CYP1B1: variants seen among roughly 807,000 people sequenced by gnomAD.
CYP1B1 encodes the protein cytochrome P450 1B1.
In CYP1B1, 22 loss-of-function variants were observed where a neutral mutation model predicts 29.9. The observed-to-expected ratio is 0.74, with a 90% CI of 0.53 to 1.05. CYP1B1 has a LOEUF of 1.05. CYP1B1 is among the 50% of genes least tolerant of loss of function. CYP1B1 has a pLI of 0.00. For synonymous variants in CYP1B1, 375 were observed against 320.0 expected (o/e 1.17, Z -1.83); for missense variants, 883 against 746.9 (o/e 1.18, Z -2.12).
Position 38,070,139 on chromosome 2 carries a change from T to C in CYP1B1, c.*583A>G, listed in dbSNP as rs1324086912. 1.3e-5 allele frequency: 3 copies of C among 222,510 alleles called. No individual in the cohort carries two copies. Among genetic ancestry groups the C allele is most frequent in the African/African-American group, 6.7e-5 (3 of 44,604 alleles). The allele number at this position is 222,510 out of a possible 1,614,324, so 13.8% of individuals were successfully genotyped here. On this transcript the variant is annotated 3_prime_UTR_variant, in exon 3 of 3. Coordinates refer to ENST00000610745, the MANE Select transcript of CYP1B1 (RefSeq NM_000104.4). ...GTATACCAGAAGGCAAAAGGATAAA[T>C]CCACCCATAAATACTAGAGTCTAAG...
Position 38,068,047 on chromosome 2 carries a change from G to C in CYP1B1, c.*2675C>G. On this transcript the variant is annotated 3_prime_UTR_variant, in exon 3 of 3. Coordinates refer to ENST00000610745, the MANE Select transcript of CYP1B1 (RefSeq NM_000104.4). ...CAAAACAAACCTGAGACATCTTTTT[G>C]TTTTGGAAAAAAGCAATTTGCTTAT... 1 of 201,528 alleles carries C rather than the reference G, an allele frequency of 5.0e-6. No individual in the cohort carries two copies. The highest frequency in any genetic ancestry group is 1.0e-5 in the Non-Finnish European group (1 of 97,592). The allele number at this position is 201,528 out of a possible 1,614,324, so 12.5% of individuals were successfully genotyped here.
chr2:38,071,272 T>A lies in CYP1B1; in HGVS notation c.1082A>T (p.Asp361Val). 6.2e-7 allele frequency: 1 copy of A among 1,613,072 alleles called. No individual in the cohort carries two copies. The change falls in exon 3 of 3, where the codon GAT becomes GTT. Residue 361 changes from aspartate to valine, a missense_variant. Physicochemically the swap from Asp to Val is radical, Grantham distance 152 (BLOSUM62 -3). Transcript: ENST00000610745. ...DVQTRVQAEL[D>V]QVVGRDRLPC... ...CAGACGGTCCCTCCCCACGACCTGATCCAATTCTGCCTGCACTCGAGTCTG... is the reference window on the plus strand; with the variant it reads ...CAGACGGTCCCTCCCCACGACCTGAACCAATTCTGCCTGCACTCGAGTCTG...
Position 38,070,395 on chromosome 2 carries a change from A to C in CYP1B1, c.*327T>G, listed in dbSNP as rs1682402594. The C allele has an allele frequency of 1.1e-5, 4 of 360,484 alleles. No individual in the cohort carries two copies. Among genetic ancestry groups the C allele is most frequent in the Non-Finnish European group, 2.0e-5 (4 of 196,812 alleles). 22.3% of individuals were successfully genotyped at this position (360,484 alleles called of 1,614,324 possible). A position where few individuals can be genotyped will look rare whatever the true frequency, so the allele number is the denominator to read the frequency against. On this transcript the variant is annotated 3_prime_UTR_variant, in exon 3 of 3. Transcript: ENST00000610745. Reference sequence around the variant, plus strand: ...CTGCTTCATTCAGTAGTTTGGTGTAAGTGTTTGGGTGTATGTGTCTATATG... The same window carrying C: ...CTGCTTCATTCAGTAGTTTGGTGTACGTGTTTGGGTGTATGTGTCTATATG...
At chr2:38,075,515 G>A (rs1449107048) in intron 1 of CYP1B1, 126 bp from the exon 2 acceptor site, 34 of 956,686 alleles carry the variant, frequency 3.6e-5, no homozygotes, top group Non-Finnish European at 2.7e-5. Flanking sequence ...TGACTCTCTG[G>A]AGAAATGGCC....
chr2:38,070,829 G>T lies in CYP1B1; in HGVS notation c.1525C>A (p.Leu509Ile), dbSNP rs1268135305. The T allele has an allele frequency of 6.2e-7, 1 of 1,614,068 alleles. No homozygotes were observed. Among genetic ancestry groups the T allele is most frequent in the African/African-American group, 1.3e-5 (1 of 74,924 alleles). ...TTAAATGACTTGGGTTTAATGGTTA[G>T]ACCATAACTGAAATTCATTTTCGCA... ...EPAKMNFSYG[L>I]TIKPKSFKVN... The change falls in exon 3 of 3, where the codon CTA becomes ATA. Residue 509 changes from leucine (L) to isoleucine (I), a missense_variant. Transcript: ENST00000610745.
rs780250973 is a variant in CYP1B1 at position 38,070,946 on chromosome 2, A to T, written c.1408T>A (p.Cys470Ser). 3 of 1,614,192 alleles carry T rather than the reference A, an allele frequency of 1.9e-6. No homozygotes were observed. Among genetic ancestry groups the T allele is most frequent in the Non-Finnish European group, 2.5e-6 (3 of 1,180,038 alleles). Residue 470 changes from cysteine to serine, a missense_variant, in exon 3 of 3, where the codon TGC (cysteine) becomes AGC (serine). Physicochemically the swap from Cys to Ser is moderately radical, Grantham distance 112 (BLOSUM62 -1). Coordinates refer to ENST00000610745, the MANE Select transcript of CYP1B1 (RefSeq NM_000104.4). ...VMIFSVGKRR[C>S]IGEELSKMQL... Reference sequence around the variant, plus strand: ...ATCTTAGAAAGTTCTTCGCCAATGCACCGCCTTTTGCCCACTGAAAAAATC... The same window carrying T: ...ATCTTAGAAAGTTCTTCGCCAATGCTCCGCCTTTTGCCCACTGAAAAAATC...
chr2:38,068,571 A>G lies in CYP1B1; in HGVS notation c.*2151T>C, dbSNP rs886055989. 1 of 227,606 alleles carries G rather than the reference A, an allele frequency of 4.4e-6. No individual in the cohort carries two copies. Among genetic ancestry groups the G allele is most frequent in the East Asian group, 6.3e-5 (1 of 15,896 alleles). 14.1% of individuals were successfully genotyped at this position (227,606 alleles called of 1,614,324 possible). A position where few individuals can be genotyped will look rare whatever the true frequency, so the allele number is the denominator to read the frequency against. On this transcript the variant is annotated 3_prime_UTR_variant, in exon 3 of 3. Coordinates refer to ENST00000610745, the MANE Select transcript of CYP1B1 (RefSeq NM_000104.4). ...TGGGGCATAATATTTTGGAATGGCA[A>G]GTGCCAAAAAATTTAAATGTACTGG...
At chr2:38,071,819 T>C (rs1682438656) in intron 2 of CYP1B1, among the ~76,000 whole-genome samples, 1 of 152,224 alleles carries the variant, frequency 6.6e-6, no homozygotes, top group African/African-American at 2.4e-5. Context: ...AATTTTTTTA[T>C]AGTATAAGGA....
At chr2:38,071,855 G>A (rs1027042298) in intron 2 of CYP1B1, among the ~76,000 whole-genome samples, 3 of 152,176 alleles carry the variant, frequency 2.0e-5, no homozygotes, top group African/African-American at 7.2e-5. Context: ...AGCACCCAGG[G>A]CCCACGAAAG....
intron 2 of CYP1B1, chr2:38,073,873 C>A (rs1229768723): frequency 6.2e-6 from 1 of 161,138 alleles, no homozygotes; most frequent in Non-Finnish European, 1.4e-5. Flanking sequence ...ACGGGCGGCC[C>A]GCTTTTAGCG....
Position 38,075,173 on chromosome 2 carries a change from G to A in CYP1B1, c.216C>T (p.Leu72=). 1.3e-6 allele frequency: 2 copies of A among 1,569,752 alleles called. No individual in the cohort carries two copies. The highest frequency in any genetic ancestry group is 1.7e-6 in the Non-Finnish European group (2 of 1,165,102). ...NAAAVGQAAH[L]SFARLARRYG... ...AGCGCCGCGCCAGGCGAGCGAACGA[G>A]AGGTGAGCCGCCTGGCCCACCGCCG... is the stretch of plus-strand genomic sequence containing the variant. The change falls in exon 2 of 3, where the codon CTC becomes CTT. Residue 72 remains leucine, a synonymous_variant. Transcript: ENST00000610745.
Position 38,074,592 on chromosome 2 carries a change from C to G in CYP1B1, c.797G>C (p.Arg266Pro). The change falls in exon 2 of 3, where the codon CGC becomes CCC. Residue 266 changes from arginine (R) to proline (P), a missense_variant. Arg to Pro is a moderately radical substitution (Grantham distance 103, BLOSUM62 -2). Transcript: ENST00000610745. ...TVFREFEQLN[R>P]NFSNFILDKF... The stretch of plus-strand genomic sequence containing the variant: ...GTCCAGGATGAAGTTGCTGAAGTTG[C>G]GGTTGAGCTGCTCGAATTCGCGGAA... 1 of 1,612,646 alleles carries G rather than the reference C, an allele frequency of 6.2e-7. No individual in the cohort carries two copies. Among genetic ancestry groups the G allele is most frequent in the Non-Finnish European group, 8.5e-7 (1 of 1,179,570 alleles).
rs374781447 is a variant in CYP1B1, at chr2:38,070,706, G to A, written c.*16C>T. 6.2e-7 allele frequency: 1 copy of A among 1,607,428 alleles called. No homozygotes were observed. The highest frequency in any genetic ancestry group is 8.5e-7 in the Non-Finnish European group (1 of 1,173,864). On this transcript the variant is annotated 3_prime_UTR_variant, in exon 3 of 3. Transcript: ENST00000610745. Reference sequence around the variant, plus strand: ...AGATGTGAATATTTCTAAAATTTCAGCTTGCCTCTTGCTTCTTATTGGCAA... The same window carrying A: ...AGATGTGAATATTTCTAAAATTTCAACTTGCCTCTTGCTTCTTATTGGCAA...
rs1361287777 is a variant in CYP1B1, at chr2:38,076,098, G to A, written c.-320C>T. 1 of 153,056 alleles carries A rather than the reference G, an allele frequency of 6.5e-6. No homozygotes were observed. Among genetic ancestry groups the A allele is most frequent in the African/African-American group, 2.4e-5 (1 of 41,452 alleles). The allele number at this position is 153,056 out of a possible 1,614,324, so 9.5% of individuals were successfully genotyped here. ...GTGGCGTCAATTCCCATGCCCTTGC[G>A]GCTCTCACAACTGGAGTCGCAGAAG... On this transcript the variant is annotated 5_prime_UTR_variant, in exon 1 of 3. Transcript: ENST00000610745.
At position 38,070,630 on chromosome 2, in the gene CYP1B1, C is replaced by T; in HGVS notation, c.*92G>A. The T allele has an allele frequency of 4.5e-6, 5 of 1,103,122 alleles. No homozygotes were observed. The highest frequency in any genetic ancestry group is 1.3e-5 in the South Asian group (1 of 77,682). 68.3% of individuals were successfully genotyped at this position (1,103,122 alleles called of 1,614,324 possible). ...CTCACCTTAAACGCTAATTGAGAAG[C>T]AGCACAAAAGAGGAACTGGAAAAAA... On this transcript the variant is annotated 3_prime_UTR_variant, in exon 3 of 3. Transcript: ENST00000610745.
At position 38,074,580 on chromosome 2, in the gene CYP1B1, T is replaced by G; in HGVS notation, c.809A>C (p.Asn270Thr). Residue 270 changes from asparagine to threonine, a missense_variant, in exon 2 of 3, where the codon AAC becomes ACC. By Grantham distance (65) the Asn-to-Thr change is moderately conservative. Transcript: ENST00000610745. ...EFEQLNRNFS[N>T]FILDKFLRHC... ...CCTCAAGAACTTGTCCAGGATGAAG[T>G]TGCTGAAGTTGCGGTTGAGCTGCTC... 6.2e-7 allele frequency: 1 copy of G among 1,611,952 alleles called. No homozygotes were observed. Among genetic ancestry groups the G allele is most frequent in the South Asian group, 1.1e-5 (1 of 90,602 alleles).
chr2:38,074,733 G>T lies in CYP1B1; in HGVS notation c.656C>A (p.Pro219His). The change falls in exon 2 of 3, where the codon CCC becomes CAC. Residue 219 changes from proline (P) to histidine (H), a missense_variant. By Grantham distance (77) the Pro-to-His change is moderately conservative (BLOSUM62 -2). Coordinates refer to ENST00000610745, the MANE Select transcript of CYP1B1 (RefSeq NM_000104.4). ...CFGCRYSHDD[P>H]EFRELLSHNE... ...GTGGCTGAGCAGCTCACGGAACTCG[G>T]GGTCGTCGTGGCTGTAGCGGCAGCC... 6.2e-7 allele frequency: 1 copy of T among 1,607,756 alleles called. No individual in the cohort carries two copies. The highest frequency in any genetic ancestry group is 8.5e-7 in the Non-Finnish European group (1 of 1,177,974).
intron 1 of CYP1B1, 65 bp from the exon 2 acceptor site, chr2:38,075,454 C>A: frequency 1.3e-6 from 2 of 1,535,206 alleles, no homozygotes; most frequent in South Asian, 2.3e-5. Flanking sequence ...CGCCCCACGC[C>A]CCTACCCCAG....
chr2:38,075,368 C>T lies in CYP1B1; in HGVS notation c.21G>A (p.Pro7=). Residue 7 remains proline, a synonymous_variant, in exon 2 of 3, where the codon CCG becomes CCA. Coordinates refer to ENST00000610745, the MANE Select transcript of CYP1B1 (RefSeq NM_000104.4). MGTSLS[P]NDPWPLNPLS... ...GCGGGTTTAGCGGCCAAGGGTCGTTCGGGCTGAGGCTGGTGCCCATGCTGG... is the reference window on the plus strand; with the variant it reads ...GCGGGTTTAGCGGCCAAGGGTCGTTTGGGCTGAGGCTGGTGCCCATGCTGG... 1 of 1,612,810 alleles carries T rather than the reference C, an allele frequency of 6.2e-7. No individual in the cohort carries two copies. Among genetic ancestry groups the T allele is most frequent in the South Asian group, 1.1e-5 (1 of 90,892 alleles).
Sources: gnomAD v4.1 joint callset for allele counts (sites outside exome capture counted in the v4.1 genomes callset) on GRCh38, gnomAD v4.1.1 for gene constraint, MANE v1.5 for transcripts, NCBI Gene and HGNC (gene_info 2026-07-23, HGNC 2026-07-21) for gene names.